ERP29: variants seen among roughly 807,000 people sequenced by gnomAD.
ERP29 encodes the protein endoplasmic reticulum protein 29.
In ERP29, 14 loss-of-function variants were observed where a neutral mutation model predicts 21.7. The observed-to-expected ratio is 0.64, with a 90% confidence interval of 0.43 to 1.01. ERP29 has a LOEUF of 1.01. Among genes scored for constraint, ERP29 ranks in the 50% least tolerant of loss-of-function variants. ERP29 has a pLI of 0.00. For missense variants in ERP29, 286 were observed against 327.3 expected, an observed-to-expected ratio of 0.87 and a Z score of 0.97; for synonymous variants, 129 against 139.1, an observed-to-expected ratio of 0.93 and a Z score of 0.51.
chr12:112,019,649 T>C (rs1384468637), intron 1 of ERP29, 107 bp from the exon 2 acceptor site: 1 of 1,301,852 alleles, frequency 7.7e-7, no homozygotes, highest in Admixed American at 1.7e-5. Context: ...CTTGCCTCCC[T>C]TGTGGGCTTG....
rs1210292753 is a variant in ERP29, at chr12:112,023,276, TTG to T, written c.*627_*628del. The T allele has an allele frequency of 1.3e-5, 2 of 152,264 alleles. No homozygotes were observed. The highest frequency in any genetic ancestry group is 2.9e-5 in the Non-Finnish European group (2 of 68,054). The allele number at this position is 152,264 out of a possible 1,614,324, so 9.4% of individuals were successfully genotyped here. A position where few individuals can be genotyped will look rare whatever the true frequency, so the allele number is the denominator to read the frequency against. ...CCATGGTGTAATTATTTTCCATGCT[TTG>T]TGAGGTACACATAGCAAATTCTTAG... On this transcript the variant is annotated 3_prime_UTR_variant, in exon 3 of 3. Coordinates refer to ENST00000261735, the MANE Select transcript of ERP29 (RefSeq NM_006817.4).
rs367717851 is a variant in ERP29 at position 112,013,535 on chromosome 12, C to T, written c.70C>T (p.Leu24Phe). The T allele has an allele frequency of 1.1e-4, 175 of 1,612,844 alleles. No individual in the cohort carries two copies. Among genetic ancestry groups the T allele is most frequent in the Non-Finnish European group, 1.3e-4 (155 of 1,179,544 alleles). Residue 24 changes from leucine to phenylalanine, a missense_variant, in exon 1 of 3, where the codon CTC becomes TTC. Transcript: ENST00000261735. ...LLPLLLGFLLLSAPHGGSGLH... is the reference protein window; with the variant it reads ...LLPLLLGFLLFSAPHGGSGLH... ...TCCCCTTCTCCTGGGCTTCCTGCTC[C>T]TCTCCGCTCCGCATGGCGGCAGCGG...
rs1355979030 is a variant in ERP29, at chr12:112,022,566, A to G, written c.700A>G (p.Ser234Gly). The G allele has an allele frequency of 1.9e-6, 3 of 1,614,042 alleles. No homozygotes were observed. The highest frequency in any genetic ancestry group is 2.7e-5 in the African/African-American group (2 of 74,916). Residue 234 changes from serine (S) to glycine (G), a missense_variant, in exon 3 of 3, where the codon AGT (serine) becomes GGT (glycine). Transcript: ENST00000261735. Reference protein sequence around the residue: ...IARLIEKNKMSDGKKEELQKS... With the variant: ...IARLIEKNKMGDGKKEELQKS... ...CAGGCTGATTGAGAAGAACAAGATG[A>G]GTGACGGGAAGAAGGAGGAGCTCCA...
rs571846482 is a variant in ERP29 at position 112,014,039 on chromosome 12, C to T, written c.144+430C>T. 2.0e-5 allele frequency among the ~76,000 whole-genome samples: 3 copies of T among 152,216 alleles called. No homozygotes were observed. The East Asian group carries it at 5.8e-4, about 29-fold the overall frequency. On this transcript the variant is annotated intron_variant, in intron 1 of 2. Transcript: ENST00000261735. ...GCGGGGGGAAATGCAGGCGCGTTAGCCTGCGTGTCCGCGCCCCTCTTCCCA... is the reference window on the plus strand; with the variant it reads ...GCGGGGGGAAATGCAGGCGCGTTAGTCTGCGTGTCCGCGCCCCTCTTCCCA...
rs540248137 is a variant in ERP29 at position 112,017,710 on chromosome 12, T to G, written c.145-2046T>G. ...TTGTGTCCCTAAACAGTGTTAAATA[T>G]TTTTAAAAACCAAGAGGACATCAGT... On this transcript the variant is annotated intron_variant, in intron 1 of 2. Transcript: ENST00000261735. Among the ~76,000 whole-genome samples, 11 of 152,232 alleles carry G rather than the reference T, an allele frequency of 7.2e-5. 1 individual carries two copies. The highest frequency in any genetic ancestry group is 2.6e-4 in the African/African-American group (11 of 41,544).
Position 112,022,303 on chromosome 12 carries a change from A to T in ERP29, c.437A>T (p.Lys146Met). The change falls in exon 3 of 3, where the codon AAG becomes ATG. Residue 146 changes from lysine to methionine, a missense_variant. By Grantham distance (95) the Lys-to-Met change is moderately conservative. Transcript: ENST00000261735. ...VKVGAIQRWL[K>M]GQGVYLGMPG... The stretch of plus-strand genomic sequence containing the variant: ...GTTGGAGCCATCCAGCGCTGGCTGA[A>T]GGGGCAAGGGGTCTACCTAGGTATG... The T allele has an allele frequency of 6.2e-7, 1 of 1,612,728 alleles. No individual in the cohort carries two copies. Among genetic ancestry groups the T allele is most frequent in the Non-Finnish European group, 8.5e-7 (1 of 1,179,302 alleles).
intron 2 of ERP29, 119 bp downstream of exon 2, chr12:112,020,013 G>A: frequency 8.0e-7 from 1 of 1,251,462 alleles, no homozygotes; most frequent in Non-Finnish European, 1.1e-6. Context: ...AGGAGTGTAA[G>A]TAAACAGGTT....
Position 112,022,809 on chromosome 12 carries a change from A to G in ERP29, c.*157A>G, listed in dbSNP as rs370475517. ...AGTATGCCTGGACATTGATGCTAAC[A>G]TGACCATGCTTGGGATGTCTCTAGC... On this transcript the variant is annotated 3_prime_UTR_variant, in exon 3 of 3. Coordinates refer to ENST00000261735, the MANE Select transcript of ERP29 (RefSeq NM_006817.4). 1.4e-6 allele frequency: 1 copy of G among 723,730 alleles called. No individual in the cohort carries two copies. The allele number at this position is 723,730 out of a possible 1,614,324, so 44.8% of individuals were successfully genotyped here.
chr12:112,020,402 A>G (rs1202853565), intron 2 of ERP29, among the ~76,000 whole-genome samples: 1 of 151,986 alleles, frequency 6.6e-6, no homozygotes, highest in Admixed American at 6.6e-5. Context: ...AAAGATCTGC[A>G]CCCCCATTGC....
intron 1 of ERP29, among the ~76,000 whole-genome samples, chr12:112,018,155 A>G (rs557413174): frequency 6.6e-6 from 1 of 151,624 alleles, no homozygotes; most frequent in South Asian, 2.1e-4. Context: ...CTTTTTAGAG[A>G]GAGAGAGAGA....
Position 112,022,278 on chromosome 12 carries a change from G to T in ERP29, c.412G>T (p.Val138Phe). 1 of 1,613,022 alleles carries T rather than the reference G, an allele frequency of 6.2e-7. No individual in the cohort carries two copies. The highest frequency in any genetic ancestry group is 1.7e-5 in the Admixed American group (1 of 59,878). Residue 138 changes from valine (V) to phenylalanine (F), a missense_variant, in exon 3 of 3, where the codon GTT becomes TTT. By Grantham distance (50) the Val-to-Phe change is conservative. Coordinates refer to ENST00000261735, the MANE Select transcript of ERP29 (RefSeq NM_006817.4). ...AGTCCCATACACTGGGGCAGTTAAG[G>T]TTGGAGCCATCCAGCGCTGGCTGAA... is the stretch of plus-strand genomic sequence containing the variant. ...NPVPYTGAVK[V>F]GAIQRWLKGQ...
chr12:112,015,310 A>C (rs1388694313), intron 1 of ERP29: 1 of 150,942 alleles, frequency 6.6e-6, no homozygotes, highest in East Asian at 1.9e-4. Flanking sequence ...CAACATGGTG[A>C]AACCCTGTCT....
At chr12:112,021,515 CTTTTTTTTTTTTT>C (rs1164185865) in intron 2 of ERP29, among the ~76,000 whole-genome samples, 18 of 70,052 alleles carry the variant, frequency 2.6e-4, no homozygotes, top group African/African-American at 9.6e-4. Context: ...GCTTAATAGT[CTTTTTTTTTTTTT>C]TTTTTTTTTT....
intron 1 of ERP29, among the ~76,000 whole-genome samples, chr12:112,017,566 G>C (rs753131825): frequency 3.9e-5 from 6 of 152,218 alleles, no homozygotes; most frequent in Non-Finnish European, 8.8e-5. Context: ...AATAAGGCCA[G>C]TTGGGCCAGA....
chr12:112,015,309 G>C (rs937744648), intron 1 of ERP29: 1 of 151,368 alleles, frequency 6.6e-6, no homozygotes, highest in African/African-American at 2.4e-5. Flanking sequence ...CCAACATGGT[G>C]AAACCCTGTC....
At chr12:112,021,821 C>T (rs1405489199) in intron 2 of ERP29, among the ~76,000 whole-genome samples, 8 of 152,166 alleles carry the variant, frequency 5.3e-5, no homozygotes, top group East Asian at 3.9e-4. Context: ...CCACCGCACC[C>T]GTCCGAGCTT....
intron 1 of ERP29, chr12:112,014,477 G>A (rs2077985010): frequency 6.6e-6 from 1 of 152,274 alleles, no homozygotes; most frequent in Non-Finnish European, 1.5e-5. Flanking sequence ...CAAAAAGGTT[G>A]GGGATAGCTG....
At chr12:112,015,854 T>C (rs2078008992) in intron 1 of ERP29, among the ~76,000 whole-genome samples, 1 of 152,240 alleles carries the variant, frequency 6.6e-6, no homozygotes, top group South Asian at 2.1e-4. Context: ...TATTCCTTGC[T>C]CTTTACTGCC....
chr12:112,018,856 TACA>T (rs1488280416), intron 1 of ERP29: 1 of 152,202 alleles, frequency 6.6e-6, no homozygotes, highest in Non-Finnish European at 1.5e-5. Context: ...CAATACATGG[TACA>T]ACATGGACAA....
Sources: allele counts gnomAD v4.1 joint callset (sites outside exome capture counted in the v4.1 genomes callset), GRCh38; gene constraint gnomAD v4.1.1; transcripts MANE v1.5; gene names NCBI Gene and HGNC (gene_info 2026-07-23, HGNC 2026-07-21).